ACTR3C: variants seen among roughly 807,000 people sequenced by gnomAD.
The protein encoded by ACTR3C is actin-related protein 3C.
In ACTR3C, 18 loss-of-function variants were observed where a neutral mutation model predicts 26.3. The ratio of observed to expected loss-of-function variants is 0.68; its 90% CI spans 0.47 to 1.01. The LOEUF is 1.01. Among genes scored for constraint, ACTR3C ranks in the 50% least tolerant of loss-of-function variants. The pLI, the probability that ACTR3C is intolerant of heterozygous loss-of-function variation, is 0.00. For missense variants in ACTR3C, 184 were observed against 250.7 expected (o/e 0.73, Z 1.80); for synonymous variants, 55 against 94.5 (o/e 0.58, Z 2.42).
At chr7:150,161,027 T>G in the ACTR3C span, among the ~76,000 whole-genome samples, 1 of 150,180 alleles carries the variant, frequency 6.7e-6, no homozygotes, top group Admixed American at 6.7e-5. Context: ...AGGGCAGGAC[T>G]CTGGCTGAAT....
intron 6 of ACTR3C, among the ~76,000 whole-genome samples, chr7:150,266,678 A>G (rs892153745): frequency 6.6e-5 from 10 of 152,366 alleles, no homozygotes; most frequent in Admixed American, 3.9e-4. Flanking sequence ...TAAATCTGAC[A>G]AAGAATTTGT....
chr7:149,982,379 C>T, the ACTR3C span, among the ~76,000 whole-genome samples: 1 of 152,096 alleles, frequency 6.6e-6, no homozygotes, highest in African/African-American at 2.4e-5. Context: ...TGTTCTTTAT[C>T]CTCCTTCCTC....
chr7:150,065,448 C>T, the ACTR3C span, among the ~76,000 whole-genome samples: 6 of 152,152 alleles, frequency 3.9e-5, no homozygotes, highest in South Asian at 4.1e-4. Flanking sequence ...TCTTTATGAA[C>T]GGAGCCTTCA....
At chr7:149,906,408 GTTTCTTTTTTTT>G in the ACTR3C span, among the ~76,000 whole-genome samples, 151 of 90,638 alleles carry the variant, frequency 1.7e-3, 7 homozygotes, top group African/African-American at 6.5e-3. Flanking sequence ...TGTGGGGTTT[GTTTCTTTTTTTT>G]TTTTTTTTTT....
At chr7:150,256,366 C>A (rs1270500926) in intron 6 of ACTR3C, among the ~76,000 whole-genome samples, 1 of 152,246 alleles carries the variant, frequency 6.6e-6, no homozygotes, top group African/African-American at 2.4e-5. Context: ...TCCACAGCAG[C>A]TGAACTAACT....
the ACTR3C span, among the ~76,000 whole-genome samples, chr7:150,136,056 C>T: frequency 6.6e-6 from 1 of 151,962 alleles, no homozygotes; most frequent in Non-Finnish European, 1.5e-5. Context: ...GCCTACTGTT[C>T]CTGGAATATA....
At chr7:150,242,970 C>T (rs1262873157), downstream of ACTR3C, among the ~76,000 whole-genome samples, 2 of 152,130 alleles carry the variant, frequency 1.3e-5, no homozygotes, top group African/African-American at 2.4e-5. Flanking sequence ...CTTTCTGGGT[C>T]CTGTGCAACT....
chr7:150,239,528 C>CTA (rs1408467268), downstream of ACTR3C, among the ~76,000 whole-genome samples: 4 of 122,156 alleles, frequency 3.3e-5, no homozygotes, highest in African/African-American at 1.4e-4. Context: ...CTCTCTCTCT[C>CTA]TCTCTCTCTC....
At chr7:150,172,008 C>T in the ACTR3C span, among the ~76,000 whole-genome samples, 1 of 150,592 alleles carries the variant, frequency 6.6e-6, no homozygotes, top group Non-Finnish European at 1.5e-5. Context: ...GACGGGGTTG[C>T]ACCATGTTGG....
chr7:150,040,912 T>G, the ACTR3C span, among the ~76,000 whole-genome samples: 1 of 149,268 alleles, frequency 6.7e-6, no homozygotes, highest in Admixed American at 6.6e-5. Context: ...TGCCCAAGAG[T>G]CAGCTTATTT....
chr7:150,036,082 C>CCT, the ACTR3C span, among the ~76,000 whole-genome samples: 2 of 21,700 alleles, frequency 9.2e-5, 1 homozygote, highest in Non-Finnish European at 2.0e-4. Context: ...GAGGGGTGCT[C>CCT]CCCCCCCTGC....
the ACTR3C span, among the ~76,000 whole-genome samples, chr7:149,910,485 C>T: frequency 1.3e-5 from 2 of 152,076 alleles, no homozygotes; most frequent in Non-Finnish European, 2.9e-5. Context: ...GGAAAAAAAC[C>T]ACCACTCAGA....
At chr7:150,033,720 C>T in the ACTR3C span, among the ~76,000 whole-genome samples, 13 of 137,046 alleles carry the variant, frequency 9.5e-5, no homozygotes, top group East Asian at 2.4e-4. Flanking sequence ...CAACCAGGGG[C>T]GGAAGAGGGG....
chr7:150,000,297 C>CT, the ACTR3C span, among the ~76,000 whole-genome samples: 1 of 138,100 alleles, frequency 7.2e-6, no homozygotes, highest in African/African-American at 2.7e-5. Flanking sequence ...TCAATAGCAC[C>CT]TTATGCACAC....
chr7:150,178,856 T>G, the ACTR3C span, among the ~76,000 whole-genome samples: 1 of 150,896 alleles, frequency 6.6e-6, no homozygotes, highest in Non-Finnish European at 1.5e-5. Flanking sequence ...CGAATTCTTT[T>G]TATCCAACTC....
At chr7:149,992,669 T>G in the ACTR3C span, among the ~76,000 whole-genome samples, 1 of 152,074 alleles carries the variant, frequency 6.6e-6, no homozygotes, top group South Asian at 2.1e-4. Flanking sequence ...CCCGTAGAAG[T>G]GAACGTGGCA....
intron 6 of ACTR3C, among the ~76,000 whole-genome samples, chr7:150,259,406 C>G (rs2530975): frequency 1.3e-5 from 2 of 152,054 alleles, no homozygotes; most frequent in African/African-American, 4.8e-5. Flanking sequence ...AAATCAAAAA[C>G]GAATATCTGA....
At chr7:150,164,969 C>T in the ACTR3C span, among the ~76,000 whole-genome samples, 1 of 152,278 alleles carries the variant, frequency 6.6e-6, no homozygotes, top group Admixed American at 6.5e-5. Context: ...CCTCCTGGGG[C>T]CCCCTCTGTG....
At chr7:149,887,765 C>T in the ACTR3C span, among the ~76,000 whole-genome samples, 33,698 of 148,756 alleles carry the variant, frequency 0.23, 3,964 homozygotes, top group Middle Eastern at 0.27. Flanking sequence ...TCCCAGAATT[C>T]CCCTGTGTTG....
Sources: allele counts gnomAD v4.1 joint callset (sites outside exome capture counted in the v4.1 genomes callset), GRCh38; gene constraint gnomAD v4.1.1; transcripts MANE v1.5; gene names NCBI Gene and HGNC (gene_info 2026-07-23, HGNC 2026-07-21).